PTK2: variants seen among roughly 807,000 people sequenced by gnomAD.
PTK2 encodes protein tyrosine kinase 2, also known as focal adhesion kinase 1.
Under a neutral mutation model 150.1 loss-of-function variants are expected in PTK2, and 45 were observed. The ratio of observed to expected loss-of-function variants is 0.30; its 90% CI spans 0.24 to 0.38. The LOEUF is 0.38. Ranked by LOEUF, PTK2 falls within the 10% of genes least tolerant of loss-of-function variation. The pLI is 1.00. For synonymous variants in PTK2, 432 were observed against 449.2 expected (o/e 0.96, Z 0.48); for missense variants, 919 against 1,307.3 (o/e 0.70, Z 4.58).
chr8:140,811,186 C>T (rs1242147999), intron 10 of PTK2, among the ~76,000 whole-genome samples: 4 of 152,204 alleles, frequency 2.6e-5, no homozygotes, highest in South Asian at 4.1e-4. Context: ...AGCACCCCTA[C>T]CCCCAACACT....
intron 1 of PTK2, among the ~76,000 whole-genome samples, chr8:140,927,941 A>G (rs1569051378): frequency 7.7e-5 from 5 of 65,348 alleles, no homozygotes; most frequent in African/African-American, 2.2e-4. Context: ...TCTCAAAAAG[A>G]AAAAAAAAAA....
intron 2 of PTK2, among the ~76,000 whole-genome samples, chr8:140,915,409 G>A (rs2100164850): frequency 6.6e-6 from 1 of 152,000 alleles, no homozygotes; most frequent in African/African-American, 2.4e-5. Flanking sequence ...ACATACATAG[G>A]TACACACATA....
intron 26 of PTK2, 134 bp downstream of exon 29, chr8:140,700,757 C>T (rs2100029760): frequency 2.4e-6 from 3 of 1,231,252 alleles, no homozygotes; most frequent in Non-Finnish European, 3.3e-6. Context: ...CATGCCTGGC[C>T]TATTCCAAGT....
At chr8:140,859,437 C>T (rs1265066830) in intron 5 of PTK2, among the ~76,000 whole-genome samples, 1 of 152,072 alleles carries the variant, frequency 6.6e-6, no homozygotes, top group African/African-American at 2.4e-5. Flanking sequence ...ATAGAATCTA[C>T]AGAATTAAAA....
rs149726995 is a variant in PTK2 at position 140,812,563 on chromosome 8, C to T, written c.867+5714G>A. Among the ~76,000 whole-genome samples the T allele has an allele frequency of 4.4e-3, 675 of 152,238 alleles. 4 individuals are homozygous for T. The highest frequency in any genetic ancestry group is 0.015 in the African/African-American group (640 of 41,522). Reference sequence around the variant, plus strand: ...AATACTAACCTTGAATGTTAATGGGCTAAATGCCCCCATTAAAAGACACAG... The same window carrying T: ...AATACTAACCTTGAATGTTAATGGGTTAAATGCCCCCATTAAAAGACACAG... On this transcript the variant is annotated intron_variant, in intron 10 of 31. Coordinates refer to ENST00000522684, the Ensembl canonical transcript of PTK2.
Position 140,803,416 on chromosome 8 carries a change from CTA to C in PTK2, c.975+125_975+126del. On this transcript the variant is annotated intron_variant, in intron 11 of 31. Coordinates refer to ENST00000522684, the Ensembl canonical transcript of PTK2. ...ATTATTGTTTCTAATGTAACCCTTT[CTA>C]TATATAAGAAAGTTGTGATTCTGAT... 8.2e-6 allele frequency: 6 copies of C among 734,118 alleles called. No individual in the cohort carries two copies. The Admixed American group carries it at 1.4e-4, about 17-fold the overall frequency. The allele number at this position is 734,118 out of a possible 1,614,324, so 45.5% of individuals were successfully genotyped here.
intron 1 of PTK2, chr8:140,948,839 C>T (rs962430240): frequency 1.3e-5 from 2 of 152,218 alleles, no homozygotes; most frequent in African/African-American, 4.8e-5. Flanking sequence ...AAAGGATTTA[C>T]ATTGTATTCG....
chr8:141,000,127 C>CACACACACACACACACACACACACA lies in PTK2; in HGVS notation c.-122+997_-122+998insTGTGTGTGTGTGTGTGTGTGTGTGT, dbSNP rs58481152. On this transcript the variant is annotated intron_variant, in intron 1 of 31. Transcript: ENST00000522684. ...CACACACACACACACACACACACAC[C>CACACACACACACACACACACACACA]CCTTCTTCTAAGAAAGAACAGGATG... Among the ~76,000 whole-genome samples the CACACACACACACACACACACACACA allele has an allele frequency of 4.6e-3, 574 of 123,786 alleles. 15 individuals carry two copies. The highest frequency in any genetic ancestry group is 5.5e-3 in the African/African-American group (194 of 35,054). 81.2% of individuals were successfully genotyped at this position (123,786 alleles called of 152,430 possible). A position where few individuals can be genotyped will look rare whatever the true frequency, so the allele number is the denominator to read the frequency against.
At chr8:140,673,300 G>T (rs935558832) in intron 29 of PTK2, among the ~76,000 whole-genome samples, 2 of 151,966 alleles carry the variant, frequency 1.3e-5, no homozygotes, top group South Asian at 2.1e-4. Flanking sequence ...AGTAGAGACG[G>T]GGTTTCACCA....
chr8:140,948,012 G>T (rs2100178275), intron 1 of PTK2, among the ~76,000 whole-genome samples: 1 of 152,106 alleles, frequency 6.6e-6, no homozygotes, highest in Non-Finnish European at 1.5e-5. Flanking sequence ...GGGGCCCACA[G>T]ACTAAAAGCA....
At chr8:140,795,552 G>A (rs1210452416) in intron 12 of PTK2, among the ~76,000 whole-genome samples, 2 of 152,024 alleles carry the variant, frequency 1.3e-5, no homozygotes, top group African/African-American at 2.4e-5. Context: ...TATTTTTCTC[G>A]ATACAGCTCA....
intron 1 of PTK2, among the ~76,000 whole-genome samples, chr8:140,979,850 C>T (rs578154232): frequency 5.9e-5 from 9 of 152,314 alleles, no homozygotes; most frequent in African/African-American, 1.9e-4. Context: ...TTGCCTCCTA[C>T]CATGATTGTG....
At chr8:140,773,026 T>C (rs1182092634) in intron 14 of PTK2, among the ~76,000 whole-genome samples, 1 of 152,206 alleles carries the variant, frequency 6.6e-6, no homozygotes, top group East Asian at 1.9e-4. Flanking sequence ...AAGGATTCCA[T>C]GGGATTCTCT....
intron 18 of PTK2, among the ~76,000 whole-genome samples, chr8:140,745,999 C>CAA (rs367643506): frequency 5.7e-5 from 4 of 69,784 alleles, no homozygotes; most frequent in African/African-American, 1.7e-4. Flanking sequence ...GACTCTGTCT[C>CAA]AAAAAAAAAA....
At chr8:140,769,725 AAC>A in intron 14 of PTK2, 133 bp from the exon 16 acceptor site, 1 of 461,424 alleles carries the variant, frequency 2.2e-6, no homozygotes, top group South Asian at 2.2e-5. Flanking sequence ...AAAAATAAAA[AAC>A]AATTACCCCC....
chr8:140,825,956 T>C (rs982106756), intron 8 of PTK2, among the ~76,000 whole-genome samples: 1 of 152,222 alleles, frequency 6.6e-6, no homozygotes, highest in Non-Finnish European at 1.5e-5. Flanking sequence ...TTCTTAGTAA[T>C]TGAGGCACAT....
intron 2 of PTK2, among the ~76,000 whole-genome samples, chr8:140,920,041 T>C (rs866541142): frequency 2.6e-5 from 4 of 152,134 alleles, no homozygotes; most frequent in Non-Finnish European, 5.9e-5. Flanking sequence ...ACAGTGCAGC[T>C]TCCTCCTTTT....
intron 29 of PTK2, 51 bp downstream of exon 32, chr8:140,674,247 G>A (rs747497151): frequency 3.3e-6 from 5 of 1,499,194 alleles, no homozygotes; most frequent in African/African-American, 1.4e-5. Flanking sequence ...AGAACTAGGG[G>A]ACACCACAAA....
At chr8:140,828,145 G>A (rs952570553) in intron 8 of PTK2, among the ~76,000 whole-genome samples, 6 of 149,122 alleles carry the variant, frequency 4.0e-5, no homozygotes, top group African/African-American at 7.5e-5. Context: ...CAGCATGGGC[G>A]ATGGAGCAAG....
Sources: allele counts gnomAD v4.1 joint callset (sites outside exome capture counted in the v4.1 genomes callset), GRCh38; gene constraint gnomAD v4.1.1; transcripts MANE v1.5; gene names NCBI Gene and HGNC (gene_info 2026-07-23, HGNC 2026-07-21).